SLC13A5: variants seen among roughly 807,000 people sequenced by gnomAD.
SLC13A5 encodes the protein solute carrier family 13 member 5.
A neutral mutation model predicts 56.5 loss-of-function variants in SLC13A5; 25 were observed. The observed-to-expected ratio is 0.44, with a 90% CI of 0.32 to 0.62. The LOEUF (loss-of-function observed/expected upper bound fraction) is 0.62, where lower values mean the gene tolerates loss of function less well. Ranked by LOEUF, SLC13A5 falls within the 20% of genes least tolerant of loss-of-function variation. The pLI is 0.04. For synonymous variants in SLC13A5, 307 were observed against 301.5 expected (o/e 1.02, Z -0.19); for missense variants, 649 against 737.8 (o/e 0.88, Z 1.39).
chr17:6,691,231 C>T (rs1973398573), intron 9 of SLC13A5, among the ~76,000 whole-genome samples: 2 of 152,224 alleles, frequency 1.3e-5, no homozygotes, highest in East Asian at 3.9e-4. Flanking sequence ...CTGCATTCAT[C>T]CTCCATAGCC....
chr17:6,703,872 G>T lies in SLC13A5; in HGVS notation c.547+6C>A, dbSNP rs372687638. The T allele has an allele frequency of 6.5e-7, 1 of 1,532,954 alleles. No individual in the cohort carries two copies. Among genetic ancestry groups the T allele is most frequent in the Non-Finnish European group, 8.8e-7 (1 of 1,139,926 alleles). The allele number at this position is 1,532,954 out of a possible 1,614,324, so 95.0% of individuals were successfully genotyped here. The stretch of plus-strand genomic sequence containing the variant: ...TGGCCTGGCAGTGCCCTGGCCAGGG[G>T]CTCACCTGGCAGCTCCTTGGCCTTG... On this transcript the variant is annotated splice_donor_region_variant and intron_variant, in intron 4 of 11. Coordinates refer to ENST00000433363, the MANE Select transcript of SLC13A5 (RefSeq NM_177550.5).
At chr17:6,709,618 C>T (rs950749294) in intron 1 of SLC13A5, among the ~76,000 whole-genome samples, 1 of 152,172 alleles carries the variant, frequency 6.6e-6, no homozygotes, top group African/African-American at 2.4e-5. Context: ...CTGAGTTTAA[C>T]TCTGACAATG....
In SLC13A5 at chr17:6,695,555, A is replaced by G. The variant is rs964148176; in HGVS notation, c.1055+171T>C. The G allele has an allele frequency of 1.5e-5, 9 of 597,008 alleles. No individual in the cohort carries two copies. In the African/African-American group the frequency reaches 1.7e-4, roughly 11 times the overall value. 37.0% of individuals were successfully genotyped at this position (597,008 alleles called of 1,614,324 possible). ...CAGGCATGTGCCACCATGCCTCGCT[A>G]ATTTTCTGTATTTTTAGTAGAGACA... On this transcript the variant is annotated intron_variant, in intron 7 of 11. Coordinates refer to ENST00000433363, the MANE Select transcript of SLC13A5 (RefSeq NM_177550.5).
intron 4 of SLC13A5, 118 bp downstream of exon 4, chr17:6,703,760 G>C: frequency 9.6e-7 from 1 of 1,041,086 alleles, no homozygotes; most frequent in East Asian, 2.6e-5. Flanking sequence ...TTCTCTATGC[G>C]TGTTTAAAGG....
In SLC13A5 at chr17:6,695,865, A is replaced by C; in HGVS notation, c.916T>G (p.Tyr306Asp). The C allele has an allele frequency of 6.2e-7, 1 of 1,613,856 alleles. No individual in the cohort carries two copies. The highest frequency in any genetic ancestry group is 1.1e-5 in the South Asian group (1 of 91,060). ...AAGGACAAGGGCCCCAGCTTCCGGT[A>C]CTCCTCCTGCAGCACCTTGAGGGCA... ...KAALKVLQEE[Y>D]RKLGPLSFAE... is the part of the protein sequence containing the mutation. The change falls in exon 7 of 12, where the codon TAC becomes GAC. Residue 306 changes from tyrosine (Y) to aspartate (D), a missense_variant. Transcript: ENST00000433363.
intron 10 of SLC13A5, chr17:6,689,742 G>A (rs954365807): frequency 5.9e-5 from 9 of 152,064 alleles, no homozygotes; most frequent in African/African-American, 2.2e-4. Context: ...AACCACTTAG[G>A]TTTGCTTTTT....
Position 6,713,056 on chromosome 17 carries a change from A to G in SLC13A5, c.102+176T>C, listed in dbSNP as rs941521705. Among the ~76,000 whole-genome samples the G allele has an allele frequency of 6.6e-6, 1 of 152,064 alleles. No homozygotes were observed. Among genetic ancestry groups the G allele is most frequent in the Non-Finnish European group, 1.5e-5 (1 of 67,996 alleles). ...GCGCCCTGGGGTCGCCATGCCCCTC[A>G]GATTCTTTACAGGGCACCTCCCATC... On this transcript the variant is annotated intron_variant, in intron 1 of 11. Transcript: ENST00000433363. The surrounding 1 kb of genome is among the most constrained non-coding windows in gnomAD (Gnocchi z 7.3).
At position 6,704,049 on chromosome 17, in the gene SLC13A5, G is replaced by T; in HGVS notation, c.376C>A (p.Leu126Met). ...AGGGCTGTGACGCCCATGAAGCCCA[G>T]CATCAGCCTGCAGAGGAGGGGCAGG... is the stretch of plus-strand genomic sequence containing the variant. ...WVGAKPARLM[L>M]GFMGVTALLS... Residue 126 changes from leucine (L) to methionine (M), a missense_variant, in exon 4 of 12, where the codon CTG (leucine) becomes ATG (methionine). Transcript: ENST00000433363. 2.5e-6 allele frequency: 4 copies of T among 1,610,998 alleles called. No individual in the cohort carries two copies. The highest frequency in any genetic ancestry group is 3.4e-6 in the Non-Finnish European group (4 of 1,178,750).
intron 1 of SLC13A5, among the ~76,000 whole-genome samples, chr17:6,708,812 A>G (rs1218763824): frequency 1.3e-5 from 2 of 152,086 alleles, no homozygotes; most frequent in Non-Finnish European, 2.9e-5. Context: ...GCCCACGCTC[A>G]CTCAGACAGG....
At position 6,693,137 on chromosome 17, in the gene SLC13A5, A is replaced by G; in HGVS notation, c.1182T>C (p.Pro394=). The G allele has an allele frequency of 7.5e-6, 12 of 1,597,684 alleles. No individual in the cohort carries two copies. Among genetic ancestry groups the G allele is most frequent in the Non-Finnish European group, 1.0e-5 (12 of 1,170,874 alleles). The part of the protein sequence containing the change: ...EEERKTPFYP[P]PLLDWKVTQE... The stretch of plus-strand genomic sequence containing the variant: ...GGGTTACCTTCCAATCCAGCAGGGG[A>G]GGGGGATAAAATGGAGTTTTCCTTT... The change falls in exon 9 of 12, where the codon CCT becomes CCC. Residue 394 remains proline, a synonymous_variant. Transcript: ENST00000433363.
At chr17:6,686,438 G>T in intron 11 of SLC13A5, 100 bp from the exon 12 acceptor site, 1 of 1,486,470 alleles carries the variant, frequency 6.7e-7, no homozygotes, top group Non-Finnish European at 9.2e-7. Context: ...ATGTCCCTGT[G>T]CCATGCTCTG....
At chr17:6,707,255 T>C in intron 1 of SLC13A5, 99 bp from the exon 2 acceptor site, 1 of 1,461,090 alleles carries the variant, frequency 6.8e-7, no homozygotes, top group Non-Finnish European at 9.3e-7. Flanking sequence ...CAAGACACAG[T>C]GCTGATCTCA....
intron 8 of SLC13A5, 134 bp from the exon 9 acceptor site, chr17:6,693,296 G>A: frequency 3.3e-6 from 2 of 604,848 alleles, no homozygotes; most frequent in East Asian, 5.9e-5. Flanking sequence ...GGACAATGAG[G>A]TACCATCTCC....
At chr17:6,702,182 C>G (rs192138294) in intron 5 of SLC13A5, among the ~76,000 whole-genome samples, 1 of 152,312 alleles carries the variant, frequency 6.6e-6, no homozygotes, top group Admixed American at 6.5e-5. Flanking sequence ...AGGCTCCTGT[C>G]TGCAAAGGAT....
Position 6,687,977 on chromosome 17 carries a change from C to T in SLC13A5, c.1438-311G>A. 1 of 210,886 alleles carries T rather than the reference C, an allele frequency of 4.7e-6. No homozygotes were observed. The highest frequency in any genetic ancestry group is 9.3e-6 in the Non-Finnish European group (1 of 107,034). 13.1% of individuals were successfully genotyped at this position (210,886 alleles called of 1,614,324 possible). A position where few individuals can be genotyped will look rare whatever the true frequency, so the allele number is the denominator to read the frequency against. On this transcript the variant is annotated intron_variant, in intron 10 of 11. Coordinates refer to ENST00000433363, the MANE Select transcript of SLC13A5 (RefSeq NM_177550.5). The surrounding 1 kb of genome is among the most constrained non-coding windows in gnomAD (Gnocchi z 5.0). Reference sequence around the variant, plus strand: ...GTGCTCAACCTTACAGTGCCGCGTGCACATGTCTGTCTGTCTTGCCACAGA... The same window carrying T: ...GTGCTCAACCTTACAGTGCCGCGTGTACATGTCTGTCTGTCTTGCCACAGA...
chr17:6,706,654 G>T lies in SLC13A5; in HGVS notation c.356C>A (p.Ala119Asp). The T allele has an allele frequency of 6.2e-7, 1 of 1,613,652 alleles. No individual in the cohort carries two copies. Among genetic ancestry groups the T allele is most frequent in the Non-Finnish European group, 8.5e-7 (1 of 1,179,872 alleles). Residue 119 changes from alanine to aspartate, a missense_variant, in exon 3 of 12, where the codon GCC (alanine) becomes GAC (aspartate). By Grantham distance (126) the Ala-to-Asp change is moderately radical. Transcript: ENST00000433363. ...AAGGCGTAATTACCGTGCAGGCTTG[G>T]CCCCCACCCAGAGGAGCGTGCGCAG... ...IALRTLLWVGAKPARLMLGFM... is the reference protein window; with the variant it reads ...IALRTLLWVGDKPARLMLGFM...
chr17:6,713,291 C>T lies in SLC13A5; in HGVS notation c.43G>A (p.Val15Met), dbSNP rs1223974189. 1 of 1,614,018 alleles carries T rather than the reference C, an allele frequency of 6.2e-7. No homozygotes were observed. Among genetic ancestry groups the T allele is most frequent in the Non-Finnish European group, 8.5e-7 (1 of 1,179,946 alleles). The change falls in exon 1 of 12, where the codon GTG (valine) becomes ATG (methionine). Residue 15 changes from valine to methionine, a missense_variant. By Grantham distance (21) the Val-to-Met change is conservative. Coordinates refer to ENST00000433363, the MANE Select transcript of SLC13A5 (RefSeq NM_177550.5). The surrounding 1 kb of genome is among the most constrained non-coding windows in gnomAD (Gnocchi z 7.3). ...AGGAGCGGGGTGACGAACAAGATCA[C>T]GAAGGACTTGAACTTGGAGACATAG... ...LSYVSKFKSF[V>M]ILFVTPLLLL...
intron 10 of SLC13A5, chr17:6,690,014 C>G (rs1973354116): frequency 7.8e-6 from 1 of 127,580 alleles, no homozygotes; most frequent in South Asian, 2.6e-4. Context: ...TCTTTCCATA[C>G]TACCCTGAAG....
rs201152183 is a variant in SLC13A5, at chr17:6,699,044, AAAATAAATAAAT to A, written c.839+1948_839+1959del. Among the ~76,000 whole-genome samples, 381 of 138,186 alleles carry A rather than the reference AAAATAAATAAAT, an allele frequency of 2.8e-3. 1 individual carries two copies. The highest frequency in any genetic ancestry group is 8.2e-3 in the African/African-American group (292 of 35,572). The allele number at this position is 138,186 out of a possible 152,430, so 90.7% of individuals were successfully genotyped here. On this transcript the variant is annotated intron_variant, in intron 6 of 11. Coordinates refer to ENST00000433363, the MANE Select transcript of SLC13A5 (RefSeq NM_177550.5). ...GGTGACAGAGCAAGACACTGTCTCA[AAAATAAATAAAT>A]AAATAAATAAATAAATAAATAAATA...
Sources: gnomAD v4.1 joint callset for allele counts (sites outside exome capture counted in the v4.1 genomes callset) on GRCh38, gnomAD v4.1.1 for gene constraint, Gnocchi (gnomAD v3.1) non-coding constraint, MANE v1.5 for transcripts, NCBI Gene and HGNC (gene_info 2026-07-23, HGNC 2026-07-21) for gene names.